Variants in SMIM14 observed in about 807,000 individuals in gnomAD.
SMIM14 encodes small integral membrane protein 14.
SMIM14 carries 5 observed loss-of-function variants against 12.6 expected under a neutral mutation model. The observed-to-expected ratio is 0.40, with a 90% CI of 0.21 to 0.83. SMIM14 has a LOEUF of 0.83. Ranked by LOEUF, SMIM14 falls within the 40% of genes least tolerant of loss-of-function variation. The pLI is 0.37. For missense variants in SMIM14, 86 were observed against 119.1 expected, an observed-to-expected ratio of 0.72 and a Z score of 1.29; for synonymous variants, 30 against 40.1, an observed-to-expected ratio of 0.75 and a Z score of 0.95.
At chr4:39,617,286 T>C (rs890568845) in intron 1 of SMIM14, among the ~76,000 whole-genome samples, 1 of 152,196 alleles carries the variant, frequency 6.6e-6, no homozygotes, top group Non-Finnish European at 1.5e-5. Flanking sequence ...TTTTGAAAGA[T>C]GACCTAAGTG....
At chr4:39,600,428 AC>A (rs1470518494) in intron 2 of SMIM14, among the ~76,000 whole-genome samples, 1 of 151,834 alleles carries the variant, frequency 6.6e-6, no homozygotes, top group Non-Finnish European at 1.5e-5. Flanking sequence ...GGTGGCTGAA[AC>A]CTGTAATCCC....
intron 2 of SMIM14, among the ~76,000 whole-genome samples, chr4:39,573,940 A>G (rs1236441746): frequency 6.6e-6 from 1 of 152,214 alleles, no homozygotes; most frequent in Non-Finnish European, 1.5e-5. Flanking sequence ...GAAAAGTCCC[A>G]TCTATCTATA....
chr4:39,597,337 AC>A (rs1714412132), intron 2 of SMIM14, among the ~76,000 whole-genome samples: 2 of 151,998 alleles, frequency 1.3e-5, no homozygotes, highest in Non-Finnish European at 2.9e-5. Flanking sequence ...AAGGAATTAA[AC>A]TGGACTTTAG....
intron 2 of SMIM14, chr4:39,594,806 C>T (rs1714283473): frequency 6.6e-6 from 1 of 151,908 alleles, no homozygotes; most frequent in South Asian, 2.1e-4. Context: ...TGAAAAAATG[C>T]TCACCATCAC....
chr4:39,561,508 C>A (rs918584133), intron 3 of SMIM14, among the ~76,000 whole-genome samples: 1 of 152,120 alleles, frequency 6.6e-6, no homozygotes, highest in Non-Finnish European at 1.5e-5. Context: ...AGTAGTCATG[C>A]CCAGCCATGA....
At chr4:39,590,932 C>A (rs115127727) in intron 2 of SMIM14, among the ~76,000 whole-genome samples, 2 of 152,120 alleles carry the variant, frequency 1.3e-5, no homozygotes. Flanking sequence ...TCCTTATCTA[C>A]CTTTTTAAGT....
At chr4:39,600,448 G>A (rs1048460083) in intron 2 of SMIM14, among the ~76,000 whole-genome samples, 59 of 152,052 alleles carry the variant, frequency 3.9e-4, no homozygotes, top group African/African-American at 1.4e-3. Flanking sequence ...CCAGCACTTT[G>A]GGAGGCCGAG....
At chr4:39,592,254 T>C (rs1303800022) in intron 2 of SMIM14, among the ~76,000 whole-genome samples, 2 of 149,108 alleles carry the variant, frequency 1.3e-5, no homozygotes, top group African/African-American at 2.5e-5. Context: ...GTCACAGAGA[T>C]GGTCATTTGC....
intron 1 of SMIM14, among the ~76,000 whole-genome samples, chr4:39,632,387 G>A (rs1715933428): frequency 6.6e-6 from 1 of 151,594 alleles, no homozygotes; most frequent in Non-Finnish European, 1.5e-5. Flanking sequence ...GGCTGAGGCT[G>A]GAGAATCACT....
At chr4:39,583,960 T>A (rs1713648366) in intron 2 of SMIM14, 1 of 152,128 alleles carries the variant, frequency 6.6e-6, no homozygotes, top group African/African-American at 2.4e-5. Context: ...AGGGAAGAAT[T>A]GCTAGAACAC....
intron 2 of SMIM14, among the ~76,000 whole-genome samples, chr4:39,588,521 G>C (rs1051543781): frequency 6.6e-6 from 1 of 152,034 alleles, no homozygotes; most frequent in Non-Finnish European, 1.5e-5. Context: ...AAAGGATTAA[G>C]ATTTGAAACA....
intron 3 of SMIM14, among the ~76,000 whole-genome samples, chr4:39,560,083 C>T (rs1425114421): frequency 6.6e-6 from 1 of 152,006 alleles, no homozygotes; most frequent in Non-Finnish European, 1.5e-5. Flanking sequence ...AATTGCACCA[C>T]TGCACTCCAG....
intron 3 of SMIM14, among the ~76,000 whole-genome samples, chr4:39,569,875 C>T (rs908609097): frequency 6.6e-6 from 1 of 152,180 alleles, no homozygotes; most frequent in African/African-American, 2.4e-5. Flanking sequence ...TATACACAAC[C>T]CTACAGACTT....
chr4:39,579,364 T>G lies in SMIM14; in HGVS notation c.76-6901A>C, dbSNP rs1713371303. On this transcript the variant is annotated intron_variant, in intron 2 of 4. Coordinates refer to ENST00000295958, the MANE Select transcript of SMIM14 (RefSeq NM_174921.3). ...TGTCGAGGATGCTGTGAGCTGTGTT[T>G]GTGCCACTGCACTCCAGTCTGGACA... Among the ~76,000 whole-genome samples the G allele has an allele frequency of 2.0e-5, 3 of 148,042 alleles. 1 individual carries two copies. In the South Asian group the frequency reaches 6.5e-4, roughly 32 times the overall value.
intron 1 of SMIM14, among the ~76,000 whole-genome samples, chr4:39,608,756 A>C (rs1281616717): frequency 6.6e-6 from 1 of 152,236 alleles, no homozygotes; most frequent in Admixed American, 6.5e-5. Context: ...ATGTCACCAA[A>C]CTGTACACTT....
At chr4:39,607,388 CTTAAAA>C (rs1448844574) in intron 1 of SMIM14, among the ~76,000 whole-genome samples, 1 of 152,278 alleles carries the variant, frequency 6.6e-6, no homozygotes. Flanking sequence ...CATAAATTAA[CTTAAAA>C]TTAAAAATTG....
chr4:39,551,288 T>G lies in SMIM14; in HGVS notation c.*838A>C, dbSNP rs1711690170. 6.6e-6 allele frequency: 1 copy of G among 152,556 alleles called. No homozygotes were observed. Among genetic ancestry groups the G allele is most frequent in the Non-Finnish European group, 1.5e-5 (1 of 68,048 alleles). 9.5% of individuals were successfully genotyped at this position (152,556 alleles called of 1,614,324 possible). A position where few individuals can be genotyped will look rare whatever the true frequency, so the allele number is the denominator to read the frequency against. The stretch of plus-strand genomic sequence containing the variant: ...AGGCACTCATTTTAAAAATAAATTA[T>G]AGCTTAAATTATTACTATGTGGATT... On this transcript the variant is annotated 3_prime_UTR_variant, in exon 5 of 5. Transcript: ENST00000295958.
chr4:39,637,686 GCTACA>G (rs1435664312), intron 1 of SMIM14, among the ~76,000 whole-genome samples: 3 of 152,120 alleles, frequency 2.0e-5, no homozygotes, highest in Non-Finnish European at 4.4e-5. Context: ...TTCGGAGCAG[GCTACA>G]CTAAAGGAAT....
intron 1 of SMIM14, among the ~76,000 whole-genome samples, chr4:39,614,048 C>T (rs1221877243): frequency 6.6e-6 from 1 of 151,794 alleles, no homozygotes; most frequent in Non-Finnish European, 1.5e-5. Flanking sequence ...CAAAAATTTG[C>T]TGGGCATGGT....
Sources: allele counts gnomAD v4.1 joint callset (sites outside exome capture counted in the v4.1 genomes callset), GRCh38; gene constraint gnomAD v4.1.1; transcripts MANE v1.5; gene names NCBI Gene and HGNC (gene_info 2026-07-23, HGNC 2026-07-21).